METTL21C: variants seen among roughly 807,000 people sequenced by gnomAD.
METTL21C encodes methyltransferase 21C, AARS1 lysine, also known as protein-lysine methyltransferase METTL21C.
In METTL21C, 21 loss-of-function variants were observed where a neutral mutation model predicts 25.9. The ratio of observed to expected loss-of-function variants is 0.81; its 90% CI spans 0.58 to 1.17. The LOEUF (loss-of-function observed/expected upper bound fraction) is 1.17, where lower values mean the gene tolerates loss of function less well. METTL21C is among the 50% of genes most tolerant of loss of function. METTL21C has a pLI of 0.00. For synonymous variants in METTL21C, 125 were observed against 124.7 expected (o/e 1.00, Z -0.01); for missense variants, 312 against 315.1 (o/e 0.99, Z 0.07).
chr13:102,688,790 A>AG (rs763950540), intron 2 of METTL21C, among the ~76,000 whole-genome samples: 1 of 152,112 alleles, frequency 6.6e-6, no homozygotes, highest in Admixed American at 6.5e-5. Context: ...CTGCCCTGTG[A>AG]GGGGCTGGCC....
upstream of METTL21C, among the ~76,000 whole-genome samples, chr13:102,695,178 C>T (rs565819529): frequency 6.6e-6 from 1 of 152,064 alleles, no homozygotes; most frequent in Non-Finnish European, 1.5e-5. Flanking sequence ...GACCCGTATC[C>T]AGGCAGCCAG....
At chr13:102,692,320 C>A (rs983214245) in intron 1 of METTL21C, among the ~76,000 whole-genome samples, 3 of 152,104 alleles carry the variant, frequency 2.0e-5, no homozygotes, top group Admixed American at 2.0e-4. Flanking sequence ...TGTTTCAGGT[C>A]TCACTCATTC....
upstream of METTL21C, among the ~76,000 whole-genome samples, chr13:102,695,444 T>C (rs1487255064): frequency 2.0e-5 from 3 of 152,244 alleles, no homozygotes; most frequent in South Asian, 4.1e-4. Context: ...ACCCTTAAAA[T>C]AGAATATAGG....
At chr13:102,688,251 G>A (rs1885729194) in intron 2 of METTL21C, among the ~76,000 whole-genome samples, 1 of 152,210 alleles carries the variant, frequency 6.6e-6, no homozygotes, top group Non-Finnish European at 1.5e-5. Flanking sequence ...AGGTTTGGTA[G>A]CCAACCTGAC....
intron 2 of METTL21C, among the ~76,000 whole-genome samples, chr13:102,687,596 A>G (rs1885709542): frequency 6.6e-6 from 1 of 152,182 alleles, no homozygotes; most frequent in Non-Finnish European, 1.5e-5. Context: ...TGGTTCTTCT[A>G]AGAAACAGAC....
chr13:102,696,490 T>C (rs973583283), upstream of METTL21C, among the ~76,000 whole-genome samples: 1 of 152,158 alleles, frequency 6.6e-6, no homozygotes, highest in Non-Finnish European at 1.5e-5. Flanking sequence ...ATTCTGCATG[T>C]GTACCCCAGA....
upstream of METTL21C, among the ~76,000 whole-genome samples, chr13:102,695,249 T>G (rs1885929239): frequency 6.6e-6 from 1 of 152,058 alleles, no homozygotes; most frequent in Admixed American, 6.5e-5. Flanking sequence ...AAGGAGAGCA[T>G]CTATCCATGA....
In METTL21C at chr13:102,694,760, T is replaced by C. The variant is rs2138891090; in HGVS notation, c.-262A>G. Among the ~76,000 whole-genome samples, 1 of 152,142 alleles carries C rather than the reference T, an allele frequency of 6.6e-6. No individual in the cohort carries two copies. Among genetic ancestry groups the C allele is most frequent in the Non-Finnish European group, 1.5e-5 (1 of 68,000 alleles). On this transcript the variant is annotated 5_prime_UTR_variant, in exon 1 of 4. Coordinates refer to ENST00000267273, the MANE Select transcript of METTL21C (RefSeq NM_001010977.3). ...CCAGTGTTTTATATAGGTCTACACCTGAAAGGATTAGCATTTGATGAACAA... is the reference window on the plus strand; with the variant it reads ...CCAGTGTTTTATATAGGTCTACACCCGAAAGGATTAGCATTTGATGAACAA...
the METTL21C span, among the ~76,000 whole-genome samples, chr13:102,701,790 C>G: frequency 6.6e-6 from 1 of 152,126 alleles, no homozygotes; most frequent in South Asian, 2.1e-4. Flanking sequence ...AGAAGAAAAA[C>G]TATATGATCA....
At chr13:102,698,175 C>T (rs1323632441), upstream of METTL21C, among the ~76,000 whole-genome samples, 3 of 152,252 alleles carry the variant, frequency 2.0e-5, no homozygotes, top group East Asian at 1.9e-4. Flanking sequence ...CTCATATTAT[C>T]TTGTATGTTG....
chr13:102,691,070 TAA>T, intron 1 of METTL21C, 106 bp from the exon 2 acceptor site: 2 of 1,267,976 alleles, frequency 1.6e-6, no homozygotes, highest in Admixed American at 4.0e-5. Flanking sequence ...GACCTTTACA[TAA>T]AGAGAAGGGA....
At chr13:102,701,473 T>C in the METTL21C span, among the ~76,000 whole-genome samples, 1 of 152,204 alleles carries the variant, frequency 6.6e-6, no homozygotes, top group African/African-American at 2.4e-5. Context: ...GGAAGCTGCC[T>C]CCATAGCTGC....
chr13:102,694,257 A>C (rs572063813), intron 1 of METTL21C, 112 bp downstream of exon 1: 1 of 1,276,382 alleles, frequency 7.8e-7, no homozygotes, highest in East Asian at 2.6e-5. Context: ...TTATAGCAAA[A>C]AATCTAATGT....
chr13:102,686,086 G>A lies in METTL21C; in HGVS notation c.740C>T (p.Ala247Val). ...FKQVFDTTLL[A>V]EYPESSVKLF... ...TTTGACTGATGACTCTGGATATTCA[G>A]CCAACAGTGTTGTGTCAAAAACTTG... is the stretch of plus-strand genomic sequence containing the variant. Residue 247 changes from alanine (A) to valine (V), a missense_variant, in exon 4 of 4, where the codon GCT becomes GTT. Transcript: ENST00000267273. The A allele has an allele frequency of 6.2e-7, 1 of 1,610,528 alleles. No homozygotes were observed. Among genetic ancestry groups the A allele is most frequent in the African/African-American group, 1.3e-5 (1 of 74,976 alleles).
At position 102,687,001 on chromosome 13, in the gene METTL21C, A is replaced by G. The variant is rs1309325617; in HGVS notation, c.339T>C (p.Asp113=). 1.2e-6 allele frequency: 2 copies of G among 1,614,178 alleles called. No individual in the cohort carries two copies. The highest frequency in any genetic ancestry group is 8.5e-7 in the Non-Finnish European group (1 of 1,179,996). The change falls in exon 3 of 4, where the codon GAT becomes GAC. Residue 113 remains aspartate, a synonymous_variant. Transcript: ENST00000267273. ...CGGCACCAATTTCAAGTATTTTTGC[A>G]TCTTGGAAATTCAATTCCTCGGCAT... ...EEHAEELNFQ[D]AKILEIGAGP... is the part of the protein sequence containing the mutation.
At chr13:102,700,168 G>A in the METTL21C span, among the ~76,000 whole-genome samples, 1 of 152,214 alleles carries the variant, frequency 6.6e-6, no homozygotes, top group East Asian at 1.9e-4. Flanking sequence ...GGAAACAGCA[G>A]TGAAGTTATA....
Position 102,694,408 on chromosome 13 carries a change from CCTT to C in METTL21C, c.88_90del (p.Lys30del), listed in dbSNP as rs1487707201. The C allele has an allele frequency of 1.3e-6, 2 of 1,487,256 alleles. No individual in the cohort carries two copies. The highest frequency in any genetic ancestry group is 2.6e-5 in the African/African-American group (1 of 37,834). The allele number at this position is 1,487,256 out of a possible 1,614,324, so 92.1% of individuals were successfully genotyped here. On this transcript the variant is annotated inframe_deletion, in exon 1 of 4. Transcript: ENST00000267273. Reference sequence around the variant, plus strand: ...CCGGTGCTGTCTTTCTGCGGAGCCCCCTTCTTCTCAGCCTCTAACCAGCCACCC... The same window carrying C: ...CCGGTGCTGTCTTTCTGCGGAGCCCCCTTCTCAGCCTCTAACCAGCCACCC...
chr13:102,696,315 G>C (rs1885946608), upstream of METTL21C, among the ~76,000 whole-genome samples: 1 of 151,352 alleles, frequency 6.6e-6, no homozygotes, highest in Non-Finnish European at 1.5e-5. Flanking sequence ...GTCGAACAAT[G>C]AGAACACATG....
In METTL21C at chr13:102,686,369, G is replaced by T. The variant is rs552658471; in HGVS notation, c.457C>A (p.Leu153Ile). 1.2e-6 allele frequency: 2 copies of T among 1,614,160 alleles called. No homozygotes were observed. The highest frequency in any genetic ancestry group is 2.7e-5 in the African/African-American group (2 of 75,060). Residue 153 changes from leucine to isoleucine, a missense_variant, in exon 4 of 4, where the codon CTT becomes ATT. Transcript: ENST00000267273. ...PDVLGNLQYN[L>I]LKNTLQCTAH... Reference sequence around the variant, plus strand: ...GTACATTGTAGTGTGTTTTTTAAAAGATTGTATTGAAGGTTTCCCAGGACA... The same window carrying T: ...GTACATTGTAGTGTGTTTTTTAAAATATTGTATTGAAGGTTTCCCAGGACA...
Sources: allele counts gnomAD v4.1 joint callset (sites outside exome capture counted in the v4.1 genomes callset), GRCh38; gene constraint gnomAD v4.1.1; transcripts MANE v1.5; gene names NCBI Gene and HGNC (gene_info 2026-07-23, HGNC 2026-07-21).